The following SHROOM4 variants were observed in gnomAD, a reference collection of about 807,000 sequenced individuals.
SHROOM4 encodes protein Shroom4.
Under a neutral mutation model 80.3 loss-of-function variants are expected in SHROOM4, and 17 were observed. The ratio of observed to expected loss-of-function variants is 0.21; its 90% confidence interval spans 0.14 to 0.32. The LOEUF (loss-of-function observed/expected upper bound fraction) is 0.32, where lower values mean the gene tolerates loss of function less well. SHROOM4 is among the 10% of genes least tolerant of loss of function. The pLI, the probability that SHROOM4 is intolerant of heterozygous loss-of-function variation, is 1.00. For synonymous variants in SHROOM4, 400 were observed against 437.5 expected (o/e 0.91, Z 1.07); for missense variants, 993 against 1,140.3 (o/e 0.87, Z 1.86).
At chrX:50,657,981 A>G (rs1406467276) in intron 2 of SHROOM4, among the ~76,000 whole-genome samples, 1 of 111,768 alleles carries the variant, frequency 8.9e-6, no homozygotes, top group African/African-American at 3.3e-5. Flanking sequence ...GTGCCCTTAT[A>G]AAAGGGTTTG....
At chrX:50,747,404 G>C (rs1262223103) in intron 1 of SHROOM4, among the ~76,000 whole-genome samples, 4 of 112,066 alleles carry the variant, frequency 3.6e-5, no homozygotes, top group Non-Finnish European at 7.5e-5. Context: ...ACCCATGAAT[G>C]AATTCAGAAT....
chrX:50,682,065 T>C (rs1557261853), intron 2 of SHROOM4, among the ~76,000 whole-genome samples: 1 of 112,235 alleles, frequency 8.9e-6, no homozygotes, highest in Non-Finnish European at 1.9e-5. Flanking sequence ...TCGTCCTTTA[T>C]ATTTGGACGT....
intron 1 of SHROOM4, among the ~76,000 whole-genome samples, chrX:50,775,272 G>A (rs1935480313): frequency 8.9e-6 from 1 of 111,788 alleles, no homozygotes; most frequent in Admixed American, 9.5e-5. Flanking sequence ...ATTGGGCTCT[G>A]GGTAGGACAG....
At chrX:50,703,995 A>C (rs781885460) in intron 1 of SHROOM4, among the ~76,000 whole-genome samples, 8 of 111,687 alleles carry the variant, frequency 7.2e-5, no homozygotes, top group African/African-American at 2.6e-4. Flanking sequence ...GGAGGAATGA[A>C]TATGGTAGAG....
intron 5 of SHROOM4, among the ~76,000 whole-genome samples, chrX:50,609,261 C>CA (rs34793214): frequency 4.6e-4 from 47 of 101,748 alleles, no homozygotes; most frequent in Middle Eastern, 5.1e-3. Flanking sequence ...GACCTTGTCT[C>CA]AAAAAAAAAA....
rs781966917 is a variant in SHROOM4 at position 50,607,731 on chromosome X, C to T, written c.3411G>A (p.Glu1137=). 4.5e-6 allele frequency: 5 copies of T among 1,099,515 alleles called. No individual in the cohort carries two copies. Among genetic ancestry groups the T allele is most frequent in the Admixed American group, 4.8e-5 (2 of 41,710 alleles). 90.6% of individuals were successfully genotyped at this position (1,099,515 alleles called of 1,213,427 possible). The stretch of plus-strand genomic sequence containing the variant: ...CCTCTTCCTCTTCTTCTTCTTCTTC[C>T]TCCTCCTCCTCCTCCTCCTGTTGCT... ...QQKQQEEEEE[E]EEEEEEEEEE... The change falls in exon 6 of 9, where the codon GAG becomes GAA. Residue 1137 remains glutamate (E), a synonymous_variant. Transcript: ENST00000376020.
intron 1 of SHROOM4, among the ~76,000 whole-genome samples, chrX:50,761,450 T>C (rs781873324): frequency 8.9e-6 from 1 of 112,612 alleles, no homozygotes; most frequent in Admixed American, 9.4e-5. Context: ...TACTTTTTAA[T>C]AATAGCCATT....
chrX:50,649,363 G>A (rs782680592), intron 2 of SHROOM4, among the ~76,000 whole-genome samples: 67 of 112,102 alleles, frequency 6.0e-4, no homozygotes, highest in African/African-American at 1.9e-3. Context: ...GGCTGTTGCC[G>A]TGGATGTGAC....
chrX:50,783,843 T>A (rs7887117), intron 1 of SHROOM4, among the ~76,000 whole-genome samples: 1 of 112,157 alleles, frequency 8.9e-6, no homozygotes, highest in African/African-American at 3.2e-5. Context: ...CCCAAAGTGC[T>A]GGGATTACAG....
In SHROOM4 at chrX:50,590,347, C is replaced by T. The variant is rs902840249; in HGVS notation, c.*6348G>A. On this transcript the variant is annotated 3_prime_UTR_variant, in exon 9 of 9. Transcript: ENST00000376020. ...CTGCAAGCTCCGCCTCCTGGGTTCA[C>T]GCCATTCTCCTGCCTCAGCCTCCCG... Among the ~76,000 whole-genome samples, 7 of 111,079 alleles carry T rather than the reference C, an allele frequency of 6.3e-5. No individual in the cohort carries two copies. The highest frequency in any genetic ancestry group is 1.3e-4 in the Non-Finnish European group (7 of 52,970).
intron 1 of SHROOM4, among the ~76,000 whole-genome samples, chrX:50,743,991 C>A (rs782333105): frequency 9.0e-6 from 1 of 111,172 alleles, no homozygotes; most frequent in East Asian, 2.8e-4. Context: ...ACTGTGATTC[C>A]TTTGTATGTG....
chrX:50,679,370 A>G (rs1160245520), intron 2 of SHROOM4, among the ~76,000 whole-genome samples: 3 of 111,686 alleles, frequency 2.7e-5, no homozygotes, highest in Non-Finnish European at 5.7e-5. Context: ...CTTCCCAAGG[A>G]CCTTGCTGCT....
rs782285203 is a variant in SHROOM4 at position 50,788,607 on chromosome X, CAA to C, written c.117+25293_117+25294del. Reference sequence around the variant, plus strand: ...TGGGTGACAAAGCGAGACTCCGTCTCAAAAAAAAAAAAAAAAAATTATAAGAC... The same window carrying C: ...TGGGTGACAAAGCGAGACTCCGTCTCAAAAAAAAAAAAAAAATTATAAGAC... On this transcript the variant is annotated intron_variant, in intron 1 of 8. Transcript: ENST00000376020. 8.5e-3 allele frequency among the ~76,000 whole-genome samples: 396 copies of C among 46,605 alleles called. 2 individuals carry two copies. The highest frequency in any genetic ancestry group is 0.024 in the African/African-American group (386 of 16,099). 40.5% of individuals were successfully genotyped at this position (46,605 alleles called of 115,157 possible).
At chrX:50,781,117 T>C (rs1260987730) in intron 1 of SHROOM4, among the ~76,000 whole-genome samples, 16 of 111,288 alleles carry the variant, frequency 1.4e-4, no homozygotes, top group Non-Finnish European at 3.8e-5. Flanking sequence ...CTCTGCCTTA[T>C]TTTTTTCCTA....
intron 5 of SHROOM4, among the ~76,000 whole-genome samples, chrX:50,621,633 T>C (rs192348686): frequency 2.6e-4 from 29 of 112,146 alleles, no homozygotes; most frequent in Non-Finnish European, 7.5e-5. Flanking sequence ...TAATTTTCCT[T>C]GAATAAGTTT....
chrX:50,776,752 G>T (rs1602505793), intron 1 of SHROOM4, among the ~76,000 whole-genome samples: 2 of 108,932 alleles, frequency 1.8e-5, no homozygotes, highest in East Asian at 5.8e-4. Context: ...GCAGTGGCAT[G>T]ATCATGGCTC....
chrX:50,795,158 T>TG lies in SHROOM4; in HGVS notation c.117+18743_117+18744insC, dbSNP rs200784202. On this transcript the variant is annotated intron_variant, in intron 1 of 8. Transcript: ENST00000376020. ...TATATATATATATGATATATATATA[T>TG]ATATATATGATATATATATATATAA... Among the ~76,000 whole-genome samples, 30 of 29,928 alleles carry TG rather than the reference T, an allele frequency of 1.0e-3. 2 individuals are homozygous for TG. Among genetic ancestry groups the TG allele is most frequent in the African/African-American group, 2.6e-3 (29 of 11,289 alleles). The allele number at this position is 29,928 out of a possible 115,157, so 26.0% of individuals were successfully genotyped here.
At chrX:50,803,870 T>C (rs1462226503) in intron 1 of SHROOM4, among the ~76,000 whole-genome samples, 2 of 111,684 alleles carry the variant, frequency 1.8e-5, no homozygotes, top group South Asian at 7.6e-4. Flanking sequence ...AGTTGATTGA[T>C]TGATTGATTG....
chrX:50,669,720 A>G (rs967007357), intron 2 of SHROOM4, among the ~76,000 whole-genome samples: 25 of 112,364 alleles, frequency 2.2e-4, no homozygotes, highest in African/African-American at 7.8e-4. Flanking sequence ...TATCTTCACC[A>G]GGAGTAGATT....
Sources: allele counts gnomAD v4.1 joint callset (sites outside exome capture counted in the v4.1 genomes callset), GRCh38; gene constraint gnomAD v4.1.1; transcripts MANE v1.5; gene names NCBI Gene and HGNC (gene_info 2026-07-23, HGNC 2026-07-21).